The following TAF6L variants were observed in gnomAD, a reference collection of about 807,000 sequenced individuals.
TAF6L encodes the protein TATA-box binding protein associated factor 6 like, also known as TAF6-like RNA polymerase II p300/CBP-associated factor-associated factor 65 kDa subunit 6L.
A neutral mutation model predicts 57.3 loss-of-function variants in TAF6L; 34 were observed. The ratio of observed to expected loss-of-function variants is 0.59; its 90% CI spans 0.45 to 0.79. The LOEUF is 0.79. Among genes scored for constraint, TAF6L ranks in the 30% least tolerant of loss-of-function variants. The pLI, the probability that TAF6L is intolerant of heterozygous loss-of-function variation, is 0.00. For missense variants in TAF6L, 782 were observed against 853.2 expected, an observed-to-expected ratio of 0.92 and a Z score of 1.04; for synonymous variants, 417 against 376.3, an observed-to-expected ratio of 1.11 and a Z score of -1.25.
chr11:62,780,210 C>T (rs968969930), intron 6 of TAF6L, among the ~76,000 whole-genome samples: 6 of 151,144 alleles, frequency 4.0e-5, no homozygotes, highest in South Asian at 2.1e-4. Context: ...CCCAGCTACT[C>T]GGGAGGCTGA....
At chr11:62,784,682 A>G (rs1370392634) in intron 9 of TAF6L, among the ~76,000 whole-genome samples, 1 of 152,156 alleles carries the variant, frequency 6.6e-6, no homozygotes, top group African/African-American at 2.4e-5. Flanking sequence ...AATGATCCGA[A>G]GGCTTTTCAG....
At chr11:62,780,952 A>G (rs1157015815) in intron 6 of TAF6L, among the ~76,000 whole-genome samples, 7 of 124,022 alleles carry the variant, frequency 5.6e-5, no homozygotes, top group Admixed American at 3.4e-4. Context: ...AAAAAAAAAA[A>G]GGGCCGGGCA....
intron 1 of TAF6L, among the ~76,000 whole-genome samples, chr11:62,774,372 G>A (rs562273997): frequency 4.6e-5 from 7 of 152,260 alleles, no homozygotes; most frequent in African/African-American, 1.7e-4. Context: ...CACCGCGCCC[G>A]GCCCAAATTT....
intron 6 of TAF6L, among the ~76,000 whole-genome samples, chr11:62,780,340 G>A (rs1359786644): frequency 6.6e-6 from 1 of 151,064 alleles, no homozygotes; most frequent in African/African-American, 2.4e-5. Context: ...GTGAAACCCC[G>A]TCTCTACTAA....
At chr11:62,784,818 G>T (rs2084258344) in intron 9 of TAF6L, among the ~76,000 whole-genome samples, 1 of 152,142 alleles carries the variant, frequency 6.6e-6, no homozygotes, top group Admixed American at 6.5e-5. Flanking sequence ...GGACTGTAAT[G>T]CATTTTAATT....
At chr11:62,778,567 G>C in intron 5 of TAF6L, 2 of 628,550 alleles carry the variant, frequency 3.2e-6, no homozygotes, top group South Asian at 3.8e-5. Flanking sequence ...CAGAAGTCTG[G>C]GCAGCATGCT....
rs1418092450 is a variant in TAF6L, at chr11:62,787,252, C to T, written c.1825C>T (p.Arg609Cys). ...GATCGGCCGTACCAGCCGCCCCGCCCGCCGGTGGGCGCTCTCGGACTACTC... is the reference window on the plus strand; with the variant it reads ...GATCGGCCGTACCAGCCGCCCCGCCTGCCGGTGGGCGCTCTCGGACTACTC... ...PMIGRTSRPA[R>C]RWALSDYSLY... The change falls in exon 11 of 11, where the codon CGC becomes TGC. Residue 609 changes from arginine to cysteine, a missense_variant. Around this residue, in one of 3 missense-constraint regions of TAF6L, gnomAD observed 483 missense variants for 445.1 expected, o/e 1.09. Coordinates refer to ENST00000294168, the MANE Select transcript of TAF6L (RefSeq NM_006473.4). 6 of 1,566,544 alleles carry T rather than the reference C, an allele frequency of 3.8e-6. No homozygotes were observed. The highest frequency in any genetic ancestry group is 5.2e-6 in the Non-Finnish European group (6 of 1,164,342).
At chr11:62,781,229 C>A (rs573077930) in intron 6 of TAF6L, among the ~76,000 whole-genome samples, 1 of 146,630 alleles carries the variant, frequency 6.8e-6, no homozygotes, top group Admixed American at 6.7e-5. Context: ...GGGCGAGACT[C>A]CATCTCAAAG....
intron 1 of TAF6L, chr11:62,771,764 A>C (rs2084149494): frequency 9.1e-6 from 2 of 219,376 alleles, no homozygotes; most frequent in Admixed American, 1.1e-4. Flanking sequence ...TGCGGAGGAG[A>C]GGAGGCTGAG....
At chr11:62,785,593 G>T (rs1218679407) in intron 9 of TAF6L, among the ~76,000 whole-genome samples, 1 of 150,834 alleles carries the variant, frequency 6.6e-6, no homozygotes, top group African/African-American at 2.4e-5. Context: ...GGAGTGCGGT[G>T]GTGTGATCTC....
At chr11:62,778,798 G>C in intron 5 of TAF6L, 71 bp from the exon 6 acceptor site, 1 of 1,285,884 alleles carries the variant, frequency 7.8e-7, no homozygotes, top group Non-Finnish European at 1.1e-6. Flanking sequence ...TGGTTGAGGG[G>C]GAGGAGGCTG....
At chr11:62,781,567 G>A (rs1001400844) in intron 6 of TAF6L, among the ~76,000 whole-genome samples, 24 of 151,218 alleles carry the variant, frequency 1.6e-4, no homozygotes, top group Admixed American at 1.1e-3. Flanking sequence ...CCAGCTACTC[G>A]GGAGGCTGAG....
At chr11:62,784,456 G>A (rs955511983) in intron 9 of TAF6L, among the ~76,000 whole-genome samples, 8 of 151,016 alleles carry the variant, frequency 5.3e-5, no homozygotes, top group Non-Finnish European at 8.8e-5. Context: ...ACAGGCGCCC[G>A]CCACCATGCC....
At chr11:62,778,527 A>G (rs557687324) in intron 5 of TAF6L, 192 bp downstream of exon 5, 2 of 668,082 alleles carry the variant, frequency 3.0e-6, no homozygotes, top group East Asian at 5.4e-5. Flanking sequence ...ACCTGTAACT[A>G]GTCATAATGC....
Position 62,778,900 on chromosome 11 carries a change from C to T in TAF6L, c.468C>T (p.Asp156=), listed in dbSNP as rs763706378. 2.1e-5 allele frequency: 34 copies of T among 1,614,000 alleles called. No homozygotes were observed. Among genetic ancestry groups the T allele is most frequent in the Non-Finnish European group, 2.6e-5 (31 of 1,180,022 alleles). Residue 156 remains aspartate (D), a synonymous_variant, in exon 6 of 11, where the codon GAC becomes GAT. Coordinates refer to ENST00000294168, the MANE Select transcript of TAF6L (RefSeq NM_006473.4). ...VPSAVSSLTD[D]LLKYYHQVTR... ...GTGCTGTGTCTTCACTGACAGATGA[C>T]CTTCTCAAGTACTATCACCAGGTGA... is the stretch of plus-strand genomic sequence containing the variant.
intron 7 of TAF6L, 26 bp downstream of exon 7, chr11:62,781,994 G>T (rs181124445): frequency 1.2e-5 from 20 of 1,612,582 alleles, no homozygotes; most frequent in Non-Finnish European, 1.6e-5. Context: ...GGGACAGGGA[G>T]AATGTTTTAT....
At chr11:62,779,002 TTGTAAATTCTAGA>T in intron 6 of TAF6L, 39 bp downstream of exon 6, 1 of 1,555,830 alleles carries the variant, frequency 6.4e-7, no homozygotes. Context: ...AAAGTTGAAA[TTGTAAATTCTAGA>T]CCTGTTTTTT....
Position 62,787,091 on chromosome 11 carries a change from G to C in TAF6L, c.1664G>C (p.Arg555Pro). The stretch of plus-strand genomic sequence containing the variant: ...TTCCAGAAGAGCCGTTTCGCCCCGC[G>C]CGGCGCCCCGCACTTTCGTTTCATC... ...DVFQKSRFAP[R>P]GAPHFRFIIA... Residue 555 changes from arginine to proline, a missense_variant, in exon 11 of 11, where the codon CGC (arginine) becomes CCC (proline). Coordinates refer to ENST00000294168, the MANE Select transcript of TAF6L (RefSeq NM_006473.4). 1 of 1,539,118 alleles carries C rather than the reference G, an allele frequency of 6.5e-7. No individual in the cohort carries two copies. Among genetic ancestry groups the C allele is most frequent in the Non-Finnish European group, 8.7e-7 (1 of 1,149,954 alleles).
At chr11:62,774,910 AT>A (rs377494484) in intron 1 of TAF6L, among the ~76,000 whole-genome samples, 1,806 of 142,324 alleles carry the variant, frequency 0.013, 104 homozygotes, top group African/African-American at 0.037. Flanking sequence ...AAAAAAAAAA[AT>A]TTAGCCATCC....
Sources: allele counts gnomAD v4.1 joint callset (sites outside exome capture counted in the v4.1 genomes callset), GRCh38; gene constraint gnomAD v4.1.1; regional missense constraint gnomAD v4.1.1; transcripts MANE v1.5; gene names NCBI Gene and HGNC (gene_info 2026-07-23, HGNC 2026-07-21).